Variants in DSCAML1 observed in about 807,000 individuals in gnomAD.
DSCAML1 encodes cell adhesion molecule DSCAML1.
A neutral mutation model predicts 200.5 loss-of-function variants in DSCAML1; 38 were observed. That is an observed-to-expected ratio of 0.19 (90% CI 0.15 to 0.25). The LOEUF (loss-of-function observed/expected upper bound fraction) is 0.25. Ranked by LOEUF, DSCAML1 falls within the 10% of genes least tolerant of loss-of-function variation. The pLI is 1.00. For missense variants in DSCAML1, 2,223 were observed against 2,858.8 expected (o/e 0.78, Z 5.07); for synonymous variants, 1,215 against 1,165.0 (o/e 1.04, Z -0.87).
intron 3 of DSCAML1, among the ~76,000 whole-genome samples, chr11:117,535,881 C>T (rs1019243046): frequency 1.7e-5 from 2 of 121,146 alleles, no homozygotes; most frequent in Admixed American, 1.1e-4. Flanking sequence ...CTTGGCCCTA[C>T]GAGGATTTTA....
intron 3 of DSCAML1, among the ~76,000 whole-genome samples, chr11:117,692,486 A>C (rs1230696950): frequency 6.6e-6 from 1 of 152,134 alleles, no homozygotes; most frequent in Non-Finnish European, 1.5e-5. Flanking sequence ...CTCGATAACT[A>C]GATGTTGGTC....
intron 8 of DSCAML1, among the ~76,000 whole-genome samples, chr11:117,507,895 A>G (rs532001043): frequency 1.3e-5 from 2 of 151,838 alleles, no homozygotes; most frequent in Non-Finnish European, 2.9e-5. Flanking sequence ...CAGTATTCTG[A>G]GTGGTTTATC....
At chr11:117,800,874 C>G (rs1470001275), upstream of DSCAML1, 1 of 152,112 alleles carries the variant, frequency 6.6e-6, no homozygotes, top group Non-Finnish European at 1.5e-5. Flanking sequence ...TTGTTTAACT[C>G]AAACAATAAG....
chr11:117,787,012 C>T (rs1003235967), intron 1 of DSCAML1, among the ~76,000 whole-genome samples: 4 of 152,176 alleles, frequency 2.6e-5, no homozygotes, highest in African/African-American at 7.2e-5. Flanking sequence ...ATTAGCTCCC[C>T]GAGGGCAGTG....
At chr11:117,487,266 G>A (rs779442545) in intron 11 of DSCAML1, among the ~76,000 whole-genome samples, 2 of 152,040 alleles carry the variant, frequency 1.3e-5, no homozygotes, top group Non-Finnish European at 2.9e-5. Context: ...TATTTTAGAT[G>A]TATGGAGTTA....
intron 8 of DSCAML1, among the ~76,000 whole-genome samples, chr11:117,507,094 G>A (rs1441580437): frequency 6.7e-6 from 1 of 149,882 alleles, no homozygotes; most frequent in Non-Finnish European, 1.5e-5. Flanking sequence ...GCTCTGGCTA[G>A]AGCATCAGCC....
At chr11:117,519,188 A>T (rs1279137451) in intron 6 of DSCAML1, among the ~76,000 whole-genome samples, 2 of 152,214 alleles carry the variant, frequency 1.3e-5, no homozygotes, top group African/African-American at 4.8e-5. Context: ...TCTATTAATA[A>T]AGACACAAGC....
intron 3 of DSCAML1, among the ~76,000 whole-genome samples, chr11:117,579,654 C>T (rs149925759): frequency 2.1e-3 from 313 of 152,264 alleles, no homozygotes; most frequent in African/African-American, 6.9e-3. Context: ...TAGTTCGTGA[C>T]GATATTTTTC....
At chr11:117,654,540 A>G (rs7947144) in intron 3 of DSCAML1, among the ~76,000 whole-genome samples, 21,643 of 152,092 alleles carry the variant, frequency 0.14, 1,960 homozygotes, top group East Asian at 0.23. Flanking sequence ...TTCCTGGCTC[A>G]GAGGAGCGCT....
chr11:117,505,504 G>A lies in DSCAML1; in HGVS notation c.2012C>T (p.Ala671Val). Reference protein sequence around the residue: ...LKHNGNYTCIASNAAATVSRE... With the variant: ...LKHNGNYTCIVSNAAATVSRE... Reference sequence around the variant, plus strand: ...GCTCACGGTGGCGGCTGCGTTGCTGGCGATGCATGTATAGTTGCCGTTGTG... The same window carrying A: ...GCTCACGGTGGCGGCTGCGTTGCTGACGATGCATGTATAGTTGCCGTTGTG... Residue 671 changes from alanine to valine, a missense_variant, in exon 9 of 33, where the codon GCC becomes GTC. This residue lies in a region of DSCAML1 where 212 missense variants were observed against 368.0 expected (regional missense o/e 0.58). Transcript: ENST00000651296. This position sits in a 1 kb window ranked among gnomAD's most constrained non-coding sequence, Gnocchi z 6.7. The A allele has an allele frequency of 1.2e-6, 2 of 1,613,090 alleles. No individual in the cohort carries two copies. The highest frequency in any genetic ancestry group is 8.5e-7 in the Non-Finnish European group (1 of 1,180,016).
intron 15 of DSCAML1, 63 bp downstream of exon 15, chr11:117,471,806 G>C (rs572316821): frequency 8.8e-6 from 11 of 1,249,178 alleles, no homozygotes; most frequent in African/African-American, 2.0e-5. Flanking sequence ...CAGGATCGCT[G>C]TAGGCCCCTG....
chr11:117,739,936 C>T (rs886507597), intron 3 of DSCAML1, among the ~76,000 whole-genome samples: 4 of 152,226 alleles, frequency 2.6e-5, no homozygotes, highest in Non-Finnish European at 5.9e-5. Context: ...TCCACCTCTG[C>T]TCAGATCCAT....
chr11:117,750,224 C>G (rs2054584427), intron 3 of DSCAML1, among the ~76,000 whole-genome samples: 1 of 152,212 alleles, frequency 6.6e-6, no homozygotes, highest in Non-Finnish European at 1.5e-5. Flanking sequence ...CCCAGGGACT[C>G]TGTCCCCAGC....
intron 3 of DSCAML1, among the ~76,000 whole-genome samples, chr11:117,562,693 T>C (rs2050686502): frequency 6.6e-6 from 1 of 152,220 alleles, no homozygotes; most frequent in Non-Finnish European, 1.5e-5. Flanking sequence ...AATGAACGAA[T>C]GAAGGTGCTT....
intron 3 of DSCAML1, among the ~76,000 whole-genome samples, chr11:117,635,890 C>G (rs2052272813): frequency 6.6e-6 from 1 of 152,114 alleles, no homozygotes; most frequent in South Asian, 2.1e-4. Context: ...CAGGGGGAGT[C>G]TCTGAGGTCC....
intron 1 of DSCAML1, among the ~76,000 whole-genome samples, chr11:117,809,305 G>A (rs921132770): frequency 1.3e-5 from 2 of 152,246 alleles, no homozygotes; most frequent in South Asian, 4.1e-4. Flanking sequence ...AGTGTGGGAA[G>A]GGTGGGAGCT....
intron 1 of DSCAML1, among the ~76,000 whole-genome samples, chr11:117,793,262 G>T (rs1187137163): frequency 6.6e-6 from 1 of 152,116 alleles, no homozygotes; most frequent in East Asian, 1.9e-4. Flanking sequence ...GAATCGACTG[G>T]GCTGGGAGCT....
chr11:117,578,229 C>A (rs1413057724), intron 3 of DSCAML1, among the ~76,000 whole-genome samples: 1 of 95,818 alleles, frequency 1.0e-5, no homozygotes, highest in East Asian at 2.8e-4. Context: ...GAGCGAAACT[C>A]TGTCTCGAAA....
intron 3 of DSCAML1, among the ~76,000 whole-genome samples, chr11:117,576,252 G>T (rs894577604): frequency 6.6e-5 from 10 of 152,102 alleles, no homozygotes; most frequent in Non-Finnish European, 1.3e-4. Flanking sequence ...TCTCATTCTG[G>T]GTTTCACTGA....
Sources: gnomAD v4.1 joint callset for allele counts (sites outside exome capture counted in the v4.1 genomes callset) on GRCh38, gnomAD v4.1.1 for gene constraint, gnomAD v4.1.1 regional missense constraint, Gnocchi (gnomAD v3.1) non-coding constraint, MANE v1.5 for transcripts, NCBI Gene and HGNC (gene_info 2026-07-23, HGNC 2026-07-21) for gene names.